CNTNAP5: variants seen among roughly 807,000 people sequenced by gnomAD.
CNTNAP5 encodes contactin associated protein family member 5.
CNTNAP5 carries 72 observed loss-of-function variants against 150.2 expected under a neutral mutation model. That is an observed-to-expected ratio of 0.48 (90% CI 0.40 to 0.58). The LOEUF (loss-of-function observed/expected upper bound fraction) is 0.58, where lower values mean the gene tolerates loss of function less well. Ranked by LOEUF, CNTNAP5 falls within the 20% of genes least tolerant of loss-of-function variation. The pLI is 0.00. For missense variants in CNTNAP5, 1,636 were observed against 1,626.2 expected (o/e 1.01, Z -0.10); for synonymous variants, 672 against 619.8 (o/e 1.08, Z -1.25).
At chr2:124,726,094 A>G (rs976099918) in intron 13 of CNTNAP5, among the ~76,000 whole-genome samples, 17 of 152,048 alleles carry the variant, frequency 1.1e-4, no homozygotes, top group African/African-American at 3.9e-4. Context: ...CCAAGAGTGT[A>G]CAAGTGTTCC....
chr2:124,553,166 C>T (rs1178213779), intron 10 of CNTNAP5, among the ~76,000 whole-genome samples: 1 of 152,056 alleles, frequency 6.6e-6, no homozygotes, highest in Non-Finnish European at 1.5e-5. Flanking sequence ...AGTATTATAA[C>T]ACAAAACACT....
At chr2:124,475,388 A>G (rs1201293240) in intron 7 of CNTNAP5, among the ~76,000 whole-genome samples, 1 of 152,112 alleles carries the variant, frequency 6.6e-6, no homozygotes, top group Non-Finnish European at 1.5e-5. Flanking sequence ...TGTCTTCCCT[A>G]ATAATGAGTT....
chr2:124,368,825 A>G (rs1237403381), intron 3 of CNTNAP5, among the ~76,000 whole-genome samples: 1 of 152,180 alleles, frequency 6.6e-6, no homozygotes, highest in Non-Finnish European at 1.5e-5. Context: ...ATATTTATTT[A>G]TATAGGCATA....
intron 12 of CNTNAP5, among the ~76,000 whole-genome samples, chr2:124,642,965 T>C (rs1161913700): frequency 6.6e-6 from 1 of 152,206 alleles, no homozygotes; most frequent in African/African-American, 2.4e-5. Context: ...CAGTATTTGA[T>C]GGCCCATAAC....
In CNTNAP5 at chr2:124,451,043, A is replaced by T. The variant is rs1198908324; in HGVS notation, c.918+4106A>T. Among the ~76,000 whole-genome samples the T allele has an allele frequency of 9.3e-3, 695 of 74,844 alleles. 19 individuals are homozygous for T. The highest frequency in any genetic ancestry group is 0.036 in the African/African-American group (661 of 18,306). 49.1% of individuals were successfully genotyped at this position (74,844 alleles called of 152,430 possible). A position where few individuals can be genotyped will look rare whatever the true frequency, so the allele number is the denominator to read the frequency against. On this transcript the variant is annotated intron_variant, in intron 6 of 23. Transcript: ENST00000682447. ...ACCATGTCTCTTAAAAAAAAAAAAAAAAAAAAAAATATATATATATATATA... is the reference window on the plus strand; with the variant it reads ...ACCATGTCTCTTAAAAAAAAAAAAATAAAAAAAAATATATATATATATATA...
chr2:124,536,400 A>G (rs1695232089), intron 10 of CNTNAP5, among the ~76,000 whole-genome samples: 2 of 152,082 alleles, frequency 1.3e-5, no homozygotes, highest in South Asian at 4.1e-4. Flanking sequence ...TCAGACAGCA[A>G]CCCAATTCTA....
At chr2:124,769,818 G>A (rs1403496593) in intron 16 of CNTNAP5, among the ~76,000 whole-genome samples, 1 of 152,094 alleles carries the variant, frequency 6.6e-6, no homozygotes, top group Non-Finnish European at 1.5e-5. Flanking sequence ...CACCCACACT[G>A]GGTCAGCTTA....
At chr2:124,189,978 T>C (rs947819177) in intron 1 of CNTNAP5, among the ~76,000 whole-genome samples, 3 of 152,216 alleles carry the variant, frequency 2.0e-5, no homozygotes, top group African/African-American at 4.8e-5. Flanking sequence ...TTAACTTCAC[T>C]GAGTATGTTT....
chr2:124,334,733 C>A (rs1359711964), intron 3 of CNTNAP5, among the ~76,000 whole-genome samples: 1 of 151,926 alleles, frequency 6.6e-6, no homozygotes, highest in Non-Finnish European at 1.5e-5. Flanking sequence ...ATTTCTAAGG[C>A]TTGTTGTGAC....
intron 1 of CNTNAP5, among the ~76,000 whole-genome samples, chr2:124,198,255 C>A (rs1005760122): frequency 2.0e-4 from 30 of 151,836 alleles, no homozygotes; most frequent in African/African-American, 6.0e-4. Flanking sequence ...TCTTTCAAAT[C>A]GATTTGTAGA....
At chr2:124,481,977 G>A (rs1030179116) in intron 7 of CNTNAP5, among the ~76,000 whole-genome samples, 3 of 152,198 alleles carry the variant, frequency 2.0e-5, no homozygotes, top group African/African-American at 7.2e-5. Context: ...GTATACAGGA[G>A]ACGGCTTATC....
At chr2:124,748,123 C>T (rs1436287144) in intron 14 of CNTNAP5, among the ~76,000 whole-genome samples, 1 of 152,010 alleles carries the variant, frequency 6.6e-6, no homozygotes, top group Non-Finnish European at 1.5e-5. Flanking sequence ...GTTTCAGTCA[C>T]CAGCCTTCCC....
chr2:124,516,879 G>T (rs1303106799), intron 8 of CNTNAP5, among the ~76,000 whole-genome samples: 1 of 152,102 alleles, frequency 6.6e-6, no homozygotes, highest in African/African-American at 2.4e-5. Context: ...AGAGAAAGAG[G>T]TACAATTGAG....
chr2:124,592,890 T>C (rs1313116901), intron 11 of CNTNAP5, among the ~76,000 whole-genome samples: 59 of 152,138 alleles, frequency 3.9e-4, no homozygotes, highest in Non-Finnish European at 1.5e-4. Flanking sequence ...TTTTCCCAGT[T>C]TGTCCATTTG....
intron 1 of CNTNAP5, among the ~76,000 whole-genome samples, chr2:124,148,156 G>T (rs1684299982): frequency 6.6e-6 from 1 of 151,746 alleles, no homozygotes; most frequent in South Asian, 2.1e-4. Flanking sequence ...AATTACTTTG[G>T]TGAACATAAT....
At chr2:124,787,249 C>T (rs948627853) in intron 17 of CNTNAP5, among the ~76,000 whole-genome samples, 5 of 152,098 alleles carry the variant, frequency 3.3e-5, no homozygotes, top group African/African-American at 1.2e-4. Flanking sequence ...AAAAACAAAA[C>T]CAAACAAAAC....
chr2:124,546,384 G>A (rs1262563985), intron 10 of CNTNAP5, among the ~76,000 whole-genome samples: 1 of 151,896 alleles, frequency 6.6e-6, no homozygotes, highest in East Asian at 1.9e-4. Flanking sequence ...GTGTGTGTGT[G>A]CAAGTGTGCA....
chr2:124,433,087 A>T (rs918677142), intron 4 of CNTNAP5, among the ~76,000 whole-genome samples: 1 of 152,210 alleles, frequency 6.6e-6, no homozygotes, highest in Non-Finnish European at 1.5e-5. Flanking sequence ...ACAAACTATG[A>T]CCATCACAGT....
rs549879289 is a variant in CNTNAP5, at chr2:124,025,351, C to T, written c.-300C>T. 2.8e-6 allele frequency: 1 copy of T among 354,320 alleles called. No homozygotes were observed. The highest frequency in any genetic ancestry group is 5.3e-6 in the Non-Finnish European group (1 of 187,258). 21.9% of individuals were successfully genotyped at this position (354,320 alleles called of 1,614,324 possible). On this transcript the variant is annotated 5_prime_UTR_variant, in exon 1 of 24. Transcript: ENST00000682447. ...CCACCGAGCTCCGGCGCCTGTCGTT[C>T]TAATTGGGTTTGGATTTGCACCGTT...
Sources: gnomAD v4.1 joint callset for allele counts (sites outside exome capture counted in the v4.1 genomes callset) on GRCh38, gnomAD v4.1.1 for gene constraint, MANE v1.5 for transcripts, NCBI Gene and HGNC (gene_info 2026-07-23, HGNC 2026-07-21) for gene names.